The following EPHB1 variants were observed in gnomAD, a reference collection of about 807,000 sequenced individuals.
The protein encoded by EPHB1 is ephrin type-B receptor 1.
EPHB1 carries 30 observed loss-of-function variants against 94.4 expected under a neutral mutation model. That is an observed-to-expected ratio of 0.32 (90% confidence interval 0.24 to 0.43). The LOEUF (loss-of-function observed/expected upper bound fraction) is 0.43. Ranked by LOEUF, EPHB1 falls within the 20% of genes least tolerant of loss-of-function variation. The pLI is 1.00. For synonymous variants in EPHB1, 522 were observed against 489.1 expected (o/e 1.07, Z -0.89); for missense variants, 1,055 against 1,308.3 (o/e 0.81, Z 2.99).
intron 4 of EPHB1, among the ~76,000 whole-genome samples, chr3:135,121,803 GTCTT>G (rs1281632102): frequency 6.6e-6 from 1 of 151,512 alleles, no homozygotes; most frequent in African/African-American, 2.4e-5. Flanking sequence ...TCTGCACAAA[GTCTT>G]TTTTTTTTTT....
intron 1 of EPHB1, among the ~76,000 whole-genome samples, chr3:134,908,373 C>T (rs923583260): frequency 1.3e-5 from 2 of 152,212 alleles, no homozygotes; most frequent in African/African-American, 4.8e-5. Flanking sequence ...TGTCTTGGGC[C>T]CAGGGCCCAG....
chr3:134,876,768 G>A (rs949289734), intron 1 of EPHB1, among the ~76,000 whole-genome samples: 1 of 152,168 alleles, frequency 6.6e-6, no homozygotes, highest in African/African-American at 2.4e-5. Context: ...GACTGAAAGT[G>A]GGAGAGAGTA....
intron 2 of EPHB1, among the ~76,000 whole-genome samples, chr3:134,931,872 CTG>C (rs760253845): frequency 1.6e-4 from 24 of 151,774 alleles, no homozygotes; most frequent in Admixed American, 3.9e-4. Flanking sequence ...TGCTATGTGT[CTG>C]TATATATGCA....
intron 3 of EPHB1, among the ~76,000 whole-genome samples, chr3:134,978,441 A>C (rs1453214609): frequency 6.6e-6 from 1 of 151,622 alleles, no homozygotes; most frequent in Non-Finnish European, 1.5e-5. Flanking sequence ...ATCTGCCCCC[A>C]CCCCTCCTCT....
intron 1 of EPHB1, among the ~76,000 whole-genome samples, chr3:134,913,791 A>G (rs1195311406): frequency 6.6e-6 from 1 of 152,194 alleles, no homozygotes; most frequent in African/African-American, 2.4e-5. Context: ...TGTGCTCTGC[A>G]TGTGTGCCAG....
Position 134,795,604 on chromosome 3 carries a change from G to A in EPHB1, c.-28G>A. 1 of 1,603,664 alleles carries A rather than the reference G, an allele frequency of 6.2e-7. No homozygotes were observed. Among genetic ancestry groups the A allele is most frequent in the South Asian group, 1.1e-5 (1 of 90,426 alleles). On this transcript the variant is annotated 5_prime_UTR_variant, in exon 1 of 16. Transcript: ENST00000398015. ...CTCCCGGCGCTGCTGCCTCGGCTTG[G>A]TCTCGGCCTGCGGGCCGTCGGCCGG... is the stretch of plus-strand genomic sequence containing the variant.
chr3:135,181,091 G>T (rs1267233685), intron 10 of EPHB1, among the ~76,000 whole-genome samples: 1 of 152,154 alleles, frequency 6.6e-6, no homozygotes, highest in East Asian at 1.9e-4. Flanking sequence ...TCTGTTCACT[G>T]CTCTCTTAAT....
chr3:134,948,106 T>C (rs2039246893), intron 2 of EPHB1, among the ~76,000 whole-genome samples: 1 of 152,168 alleles, frequency 6.6e-6, no homozygotes, highest in Non-Finnish European at 1.5e-5. Context: ...ATTTTGCTTA[T>C]TTAAATACCT....
At chr3:135,176,981 G>A (rs1006643589) in intron 9 of EPHB1, among the ~76,000 whole-genome samples, 1 of 152,026 alleles carries the variant, frequency 6.6e-6, no homozygotes, top group South Asian at 2.1e-4. Context: ...CCCTCCGCTT[G>A]CTTCCTCTTC....
intron 1 of EPHB1, among the ~76,000 whole-genome samples, chr3:134,802,397 A>G (rs904347256): frequency 2.0e-5 from 3 of 151,998 alleles, no homozygotes; most frequent in African/African-American, 7.2e-5. Context: ...ATAAAGTCCA[A>G]TCTGAGGCAT....
At chr3:135,083,065 G>C (rs937917051) in intron 3 of EPHB1, among the ~76,000 whole-genome samples, 1 of 152,210 alleles carries the variant, frequency 6.6e-6, no homozygotes, top group African/African-American at 2.4e-5. Context: ...ATGTCCAGCT[G>C]TGTTCACCGG....
At chr3:135,010,627 G>A (rs986637943) in intron 3 of EPHB1, among the ~76,000 whole-genome samples, 28 of 138,586 alleles carry the variant, frequency 2.0e-4, no homozygotes, top group Non-Finnish European at 2.7e-4. Flanking sequence ...GCAATGGCAC[G>A]ATCTTGGCTC....
rs184593083 is a variant in EPHB1, at chr3:134,876,457, G to C, written c.59-49359G>C. ...AAAATACATACTTTCTGACACTGCT[G>C]GATCCAAGTGCTCAGGCAACACGAG... On this transcript the variant is annotated intron_variant, in intron 1 of 15. Transcript: ENST00000398015. 9.2e-5 allele frequency among the ~76,000 whole-genome samples: 14 copies of C among 152,308 alleles called. No individual in the cohort carries two copies. The East Asian group carries it at 2.3e-3, about 25-fold the overall frequency.
chr3:135,033,174 G>A (rs1576332896), intron 3 of EPHB1, among the ~76,000 whole-genome samples: 2 of 152,280 alleles, frequency 1.3e-5, no homozygotes, highest in African/African-American at 4.8e-5. Context: ...TTGGGATAGG[G>A]CAGCATGGGG....
intron 10 of EPHB1, among the ~76,000 whole-genome samples, chr3:135,184,073 T>G (rs544291701): frequency 1.3e-5 from 2 of 152,314 alleles, no homozygotes; most frequent in East Asian, 3.9e-4. Context: ...GGATCAAGGC[T>G]GCATTTAAGT....
chr3:135,036,051 C>T (rs2107763014), intron 3 of EPHB1, among the ~76,000 whole-genome samples: 1 of 152,378 alleles, frequency 6.6e-6, no homozygotes, highest in African/African-American at 2.4e-5. Flanking sequence ...CATCCATTCA[C>T]TATTTCCACA....
chr3:134,803,293 C>T (rs933926339), intron 1 of EPHB1, among the ~76,000 whole-genome samples: 3 of 152,202 alleles, frequency 2.0e-5, no homozygotes, highest in African/African-American at 7.2e-5. Flanking sequence ...TTCTCCATTT[C>T]CCTGTGAAGG....
chr3:134,928,526 T>G (rs2038841010), intron 2 of EPHB1, among the ~76,000 whole-genome samples: 1 of 152,120 alleles, frequency 6.6e-6, no homozygotes, highest in Non-Finnish European at 1.5e-5. Flanking sequence ...CTTGAGCAAG[T>G]GGGTGGATGA....
intron 3 of EPHB1, among the ~76,000 whole-genome samples, chr3:135,031,937 G>A (rs186485416): frequency 7.9e-5 from 12 of 152,024 alleles, no homozygotes; most frequent in African/African-American, 2.9e-4. Flanking sequence ...CTGCTTGTCA[G>A]TGCTGCTGTT....
Sources: allele counts gnomAD v4.1 joint callset (sites outside exome capture counted in the v4.1 genomes callset), GRCh38; gene constraint gnomAD v4.1.1; transcripts MANE v1.5; gene names NCBI Gene and HGNC (gene_info 2026-07-23, HGNC 2026-07-21).